CRPPA: variants seen among roughly 807,000 people sequenced by gnomAD.
CRPPA encodes the protein CDP-L-ribitol pyrophosphorylase A.
In CRPPA, 43 loss-of-function variants were observed where a neutral mutation model predicts 52.0. The observed-to-expected ratio is 0.83, with a 90% confidence interval of 0.65 to 1.07. CRPPA has a LOEUF of 1.07. CRPPA is among the 50% of genes least tolerant of loss of function. The pLI is 0.00. For missense variants in CRPPA, 629 were observed against 551.7 expected (o/e 1.14, Z -1.40); for synonymous variants, 250 against 203.5 (o/e 1.23, Z -1.94).
chr7:16,143,960 G>A (rs1782922791), intron 9 of CRPPA, among the ~76,000 whole-genome samples: 1 of 152,168 alleles, frequency 6.6e-6, no homozygotes, highest in South Asian at 2.1e-4. Context: ...GGGAACAGGA[G>A]GTCCTCACGC....
At chr7:16,110,308 A>C (rs1412391333) in intron 9 of CRPPA, among the ~76,000 whole-genome samples, 1 of 152,136 alleles carries the variant, frequency 6.6e-6, no homozygotes, top group Admixed American at 6.5e-5. Flanking sequence ...TCTCATGTTC[A>C]CATATTGGAA....
At chr7:16,284,929 AAT>A (rs1480125702) in intron 5 of CRPPA, among the ~76,000 whole-genome samples, 5 of 152,156 alleles carry the variant, frequency 3.3e-5, no homozygotes, top group Non-Finnish European at 7.4e-5. Flanking sequence ...CCAATAAATT[AAT>A]TTAACCTCCT....
At chr7:16,251,602 C>A (rs1783450306) in intron 8 of CRPPA, among the ~76,000 whole-genome samples, 1 of 152,178 alleles carries the variant, frequency 6.6e-6, no homozygotes, top group East Asian at 1.9e-4. Flanking sequence ...TACATGGAAA[C>A]TGAACAACCT....
At chr7:16,231,009 TCTAGA>T in intron 8 of CRPPA, among the ~76,000 whole-genome samples, 1 of 152,144 alleles carries the variant, frequency 6.6e-6, no homozygotes, top group Non-Finnish European at 1.5e-5. Flanking sequence ...CTGCAGCTGG[TCTAGA>T]GGCTCAGTCT....
chr7:16,245,009 T>G (rs1783230550), intron 8 of CRPPA, among the ~76,000 whole-genome samples: 2 of 152,068 alleles, frequency 1.3e-5, no homozygotes, highest in South Asian at 4.1e-4. Flanking sequence ...TGACCATTCT[T>G]TTCAAATTTT....
chr7:16,223,002 T>C (rs923392961), intron 8 of CRPPA, among the ~76,000 whole-genome samples: 1 of 152,124 alleles, frequency 6.6e-6, no homozygotes, highest in Non-Finnish European at 1.5e-5. Flanking sequence ...TTAACTCTTG[T>C]CAATCTTGGC....
intron 9 of CRPPA, among the ~76,000 whole-genome samples, chr7:16,162,473 G>A (rs989881590): frequency 6.6e-6 from 1 of 152,140 alleles, no homozygotes; most frequent in Non-Finnish European, 1.5e-5. Flanking sequence ...CAGTTTCCAC[G>A]TAGTTGTGTG....
chr7:16,342,818 TAC>T (rs1785905916), intron 3 of CRPPA, among the ~76,000 whole-genome samples: 1 of 102,948 alleles, frequency 9.7e-6, no homozygotes, highest in Non-Finnish European at 1.9e-5. Flanking sequence ...TATATAGATA[TAC>T]ATATATAGAT....
intron 8 of CRPPA, among the ~76,000 whole-genome samples, chr7:16,242,248 C>G (rs1783137680): frequency 6.6e-6 from 1 of 151,866 alleles, no homozygotes; most frequent in African/African-American, 2.4e-5. Flanking sequence ...GACACCGCGC[C>G]CAGCCAAATC....
intron 8 of CRPPA, among the ~76,000 whole-genome samples, chr7:16,224,028 G>T (rs565310746): frequency 1.3e-5 from 2 of 152,126 alleles, no homozygotes; most frequent in South Asian, 2.1e-4. Flanking sequence ...CCACAAAAAA[G>T]AATATCTAAT....
chr7:16,140,310 G>A (rs759135918), intron 9 of CRPPA, among the ~76,000 whole-genome samples: 14 of 151,722 alleles, frequency 9.2e-5, no homozygotes, highest in Non-Finnish European at 2.1e-4. Context: ...ACCATGCCAG[G>A]CAATGCCAGG....
intron 3 of CRPPA, among the ~76,000 whole-genome samples, chr7:16,373,357 G>C (rs1195074412): frequency 6.6e-6 from 1 of 152,008 alleles, no homozygotes; most frequent in African/African-American, 2.4e-5. Flanking sequence ...CTAGGCAGAG[G>C]AAGAGCAAGC....
intron 1 of CRPPA, among the ~76,000 whole-genome samples, chr7:16,410,691 C>A (rs1226512284): frequency 2.6e-5 from 4 of 152,164 alleles, no homozygotes; most frequent in African/African-American, 9.7e-5. Context: ...ATCACTTGGT[C>A]TCTTCCATGC....
intron 9 of CRPPA, among the ~76,000 whole-genome samples, chr7:16,206,781 T>G (rs1221995385): frequency 6.6e-6 from 1 of 152,140 alleles, no homozygotes; most frequent in Non-Finnish European, 1.5e-5. Flanking sequence ...GAAACATCTG[T>G]GTTTTTCCTG....
Position 16,367,069 on chromosome 7 carries a change from T to A in CRPPA, c.684+9023A>T, listed in dbSNP as rs78602535. On this transcript the variant is annotated intron_variant, in intron 3 of 9. Transcript: ENST00000407010. ...CAAAGCTTCATCTTTAAATCCCTAC[T>A]CATTTCTCTTTATAAATCATTTTTC... is the stretch of plus-strand genomic sequence containing the variant. 1.8e-3 allele frequency among the ~76,000 whole-genome samples: 273 copies of A among 152,296 alleles called. 2 individuals are homozygous for A. The highest frequency in any genetic ancestry group is 6.4e-3 in the African/African-American group (264 of 41,570).
chr7:16,224,557 CT>C (rs1782600513), intron 8 of CRPPA, among the ~76,000 whole-genome samples: 1 of 152,082 alleles, frequency 6.6e-6, no homozygotes, highest in African/African-American at 2.4e-5. Context: ...AATGAAACTT[CT>C]TATTATGAGT....
chr7:16,296,760 G>A (rs1248362774), intron 5 of CRPPA, among the ~76,000 whole-genome samples: 1 of 152,022 alleles, frequency 6.6e-6, no homozygotes, highest in South Asian at 2.1e-4. Flanking sequence ...ATTTTGATTT[G>A]GAATTTTATT....
At chr7:16,240,721 G>C (rs1783082049) in intron 8 of CRPPA, among the ~76,000 whole-genome samples, 3 of 152,066 alleles carry the variant, frequency 2.0e-5, no homozygotes, top group African/African-American at 7.2e-5. Context: ...TGTTTGATAT[G>C]AACTTGTGCC....
At chr7:16,168,418 T>C (rs758506132) in intron 9 of CRPPA, among the ~76,000 whole-genome samples, 8 of 152,106 alleles carry the variant, frequency 5.3e-5, no homozygotes, top group Non-Finnish European at 1.2e-4. Context: ...ATTTATATGA[T>C]GGATAAAACT....
Sources: gnomAD v4.1 joint callset for allele counts (sites outside exome capture counted in the v4.1 genomes callset) on GRCh38, gnomAD v4.1.1 for gene constraint, MANE v1.5 for transcripts, NCBI Gene and HGNC (gene_info 2026-07-23, HGNC 2026-07-21) for gene names.